The following HLCS variants were observed in gnomAD, a reference collection of about 807,000 sequenced individuals.
HLCS encodes the protein holocarboxylase synthetase, also known as biotin--protein ligase.
HLCS carries 53 observed loss-of-function variants against 75.0 expected under a neutral mutation model. The observed-to-expected ratio is 0.71, with a 90% confidence interval of 0.57 to 0.89. The LOEUF is 0.89. Ranked by LOEUF, HLCS falls within the 40% of genes least tolerant of loss-of-function variation. HLCS has a pLI of 0.00. For synonymous variants in HLCS, 431 were observed against 428.6 expected (o/e 1.01, Z -0.07); for missense variants, 966 against 1,074.0 (o/e 0.90, Z 1.41).
intron 2 of HLCS, among the ~76,000 whole-genome samples, chr21:36,942,255 C>A (rs1374341849): frequency 6.6e-6 from 1 of 151,810 alleles, no homozygotes; most frequent in Non-Finnish European, 1.5e-5. Flanking sequence ...GATAGAGAAG[C>A]GTTAAAGACC....
intron 6 of HLCS, among the ~76,000 whole-genome samples, chr21:36,797,064 A>G (rs553238832): frequency 1.3e-5 from 2 of 152,152 alleles, no homozygotes; most frequent in African/African-American, 4.8e-5. Context: ...ACGGGGTTTT[A>G]CCATGTTGGC....
rs1204970304 is a variant in HLCS, at chr21:36,936,957, T to C, written c.929A>G (p.Asn310Ser). ...RRVNLTGKAP[N>S]ILLYVGSDSQ... ...GTCGGAGCCCACATAGAGGAGGATG[T>C]TGGGTGCCTTTCCCGTGAGGTTGAC... Residue 310 changes from asparagine to serine, a missense_variant, in exon 4 of 11, where the codon AAC becomes AGC. Transcript: ENST00000674895. 2.9e-5 allele frequency: 47 copies of C among 1,613,984 alleles called. 1 individual carries two copies. Among genetic ancestry groups the C allele is most frequent in the Non-Finnish European group, 3.6e-5 (43 of 1,180,020 alleles).
chr21:36,925,264 G>C (rs1487580914), intron 5 of HLCS, among the ~76,000 whole-genome samples: 1 of 152,154 alleles, frequency 6.6e-6, no homozygotes, highest in Non-Finnish European at 1.5e-5. Context: ...GTCACTTCTT[G>C]TGACAGCTAC....
chr21:36,793,961 C>T (rs1293057214), intron 6 of HLCS, among the ~76,000 whole-genome samples: 2 of 152,208 alleles, frequency 1.3e-5, no homozygotes, highest in East Asian at 3.9e-4. Flanking sequence ...ATGTGGACAG[C>T]TGTTTAGAAG....
intron 5 of HLCS, among the ~76,000 whole-genome samples, chr21:36,898,744 G>C (rs1385981984): frequency 6.6e-6 from 1 of 152,102 alleles, no homozygotes; most frequent in East Asian, 1.9e-4. Context: ...TGGAATTACT[G>C]TCAGTTTTAA....
intron 1 of HLCS, among the ~76,000 whole-genome samples, chr21:36,966,122 G>C (rs893510478): frequency 1.3e-5 from 2 of 152,204 alleles, no homozygotes; most frequent in African/African-American, 4.8e-5. Flanking sequence ...TGGGAGAGGA[G>C]GTTGGGGGCG....
At chr21:36,933,142 C>T (rs1162023136) in intron 4 of HLCS, among the ~76,000 whole-genome samples, 1 of 151,982 alleles carries the variant, frequency 6.6e-6, no homozygotes, top group East Asian at 1.9e-4. Context: ...TGAGGCCAAT[C>T]AGAAAAGGTC....
intron 6 of HLCS, among the ~76,000 whole-genome samples, chr21:36,889,540 C>T (rs1398185804): frequency 2.6e-5 from 4 of 152,220 alleles, no homozygotes; most frequent in Non-Finnish European, 5.9e-5. Context: ...ATGTGCCACA[C>T]ACCCACTACG....
At chr21:36,800,840 G>C (rs777598274) in intron 6 of HLCS, among the ~76,000 whole-genome samples, 21 of 152,116 alleles carry the variant, frequency 1.4e-4, no homozygotes, top group Admixed American at 3.3e-4. Context: ...AGGTATTATG[G>C]AACCCACCAA....
chr21:36,851,039 G>A (rs1402534622), intron 6 of HLCS, among the ~76,000 whole-genome samples: 32 of 152,180 alleles, frequency 2.1e-4, no homozygotes, highest in Non-Finnish European at 1.5e-5. Context: ...AACTGGTTGT[G>A]GTTTCTCTCA....
intron 6 of HLCS, among the ~76,000 whole-genome samples, chr21:36,893,070 A>G (rs897325464): frequency 6.6e-6 from 1 of 151,888 alleles, no homozygotes; most frequent in Admixed American, 6.6e-5. Context: ...CCACAAAAAA[A>G]GTATCCCACT....
intron 7 of HLCS, among the ~76,000 whole-genome samples, chr21:36,766,664 C>G (rs1467095831): frequency 3.9e-5 from 6 of 152,000 alleles, no homozygotes; most frequent in African/African-American, 1.2e-4. Flanking sequence ...GGGTCAGACC[C>G]CAGATGGGTC....
At chr21:36,852,881 T>G (rs532193979) in intron 6 of HLCS, among the ~76,000 whole-genome samples, 1 of 152,268 alleles carries the variant, frequency 6.6e-6, no homozygotes, top group African/African-American at 2.4e-5. Flanking sequence ...GCTTCTCCTT[T>G]TGCCCCTCCC....
chr21:36,809,048 T>C (rs1016214077), intron 6 of HLCS, among the ~76,000 whole-genome samples: 2 of 152,038 alleles, frequency 1.3e-5, no homozygotes, highest in Non-Finnish European at 2.9e-5. Flanking sequence ...ACCCTGTCTC[T>C]ACTAAAAAGA....
Position 36,985,924 on chromosome 21 carries a change from T to C in HLCS, c.-393+4234A>G, listed in dbSNP as rs76258015. ...GACTTTGTTCACATGGTTAAGGTGG[T>C]TTCCAGAAGAACCACTATAAAGGTT... is the stretch of plus-strand genomic sequence containing the variant. On this transcript the variant is annotated intron_variant, in intron 1 of 11. Transcript: ENST00000336648. 2.1e-3 allele frequency among the ~76,000 whole-genome samples: 319 copies of C among 152,306 alleles called. 1 individual carries two copies. The highest frequency in any genetic ancestry group is 0.021 in the East Asian group (108 of 5,186).
intron 6 of HLCS, among the ~76,000 whole-genome samples, chr21:36,894,599 GC>G (rs2064934810): frequency 1.3e-5 from 2 of 152,218 alleles, no homozygotes; most frequent in Admixed American, 1.3e-4. Flanking sequence ...CATCTGGTAA[GC>G]TAAGGCCGCC....
intron 6 of HLCS, among the ~76,000 whole-genome samples, chr21:36,880,180 A>G (rs796497009): frequency 3.3e-5 from 5 of 152,338 alleles, no homozygotes; most frequent in African/African-American, 1.2e-4. Context: ...AGGTATCAAC[A>G]GTAAAAACAG....
intron 2 of HLCS, among the ~76,000 whole-genome samples, chr21:36,956,837 G>A (rs1377058869): frequency 6.6e-6 from 1 of 151,954 alleles, no homozygotes; most frequent in Non-Finnish European, 1.5e-5. Flanking sequence ...GATCACCTGA[G>A]GTCAGGAGTT....
At chr21:36,781,928 A>G (rs1362388469) in intron 6 of HLCS, among the ~76,000 whole-genome samples, 1 of 152,164 alleles carries the variant, frequency 6.6e-6, no homozygotes, top group African/African-American at 2.4e-5. Flanking sequence ...CTCAGTATCT[A>G]TGGAAATAAT....
Sources: allele counts gnomAD v4.1 joint callset (sites outside exome capture counted in the v4.1 genomes callset), GRCh38; gene constraint gnomAD v4.1.1; transcripts MANE v1.5; gene names NCBI Gene and HGNC (gene_info 2026-07-23, HGNC 2026-07-21).